The following VAV2 variants were observed in gnomAD, a reference collection of about 807,000 sequenced individuals.
VAV2 encodes vav guanine nucleotide exchange factor 2, also known as guanine nucleotide exchange factor VAV2.
In VAV2, 67 loss-of-function variants were observed where a neutral mutation model predicts 132.5. The ratio of observed to expected loss-of-function variants is 0.51; its 90% CI spans 0.42 to 0.62. VAV2 has a LOEUF of 0.62. Among genes scored for constraint, VAV2 ranks in the 20% least tolerant of loss-of-function variants. The pLI is 0.00. For synonymous variants in VAV2, 492 were observed against 443.5 expected, an observed-to-expected ratio of 1.11 and a Z score of -1.37; for missense variants, 938 against 1,153.6, an observed-to-expected ratio of 0.81 and a Z score of 2.71.
chr9:133,781,575 C>A (rs765706036), intron 19 of VAV2, among the ~76,000 whole-genome samples: 1 of 152,188 alleles, frequency 6.6e-6, no homozygotes, highest in East Asian at 1.9e-4. Context: ...AGCATCTCTC[C>A]GGGACATCTC....
At chr9:133,890,278 C>A (rs1838879169) in intron 2 of VAV2, among the ~76,000 whole-genome samples, 1 of 151,740 alleles carries the variant, frequency 6.6e-6, no homozygotes, top group African/African-American at 2.4e-5. Flanking sequence ...TCCACCGCGA[C>A]CACACGGAGC....
chr9:133,861,193 C>G, intron 3 of VAV2, 181 bp downstream of exon 3: 1 of 588,590 alleles, frequency 1.7e-6, no homozygotes, highest in Non-Finnish European at 2.8e-6. Context: ...GAGCTGAAGC[C>G]TCCCGCCCCC....
chr9:133,922,401 GAA>G (rs1840329129), intron 2 of VAV2, among the ~76,000 whole-genome samples: 1 of 152,268 alleles, frequency 6.6e-6, no homozygotes, highest in African/African-American at 2.4e-5. Flanking sequence ...GCACGGGGCA[GAA>G]AAGAGCTGGG....
rs202215285 is a variant in VAV2, at chr9:133,770,416, C to T, written c.2309G>A (p.Arg770Gln). The T allele has an allele frequency of 1.3e-4, 206 of 1,614,128 alleles. No homozygotes were observed. The highest frequency in any genetic ancestry group is 1.5e-4 in the Non-Finnish European group (173 of 1,179,978). Residue 770 changes from arginine to glutamine, a missense_variant, in exon 27 of 30, where the codon CGG becomes CAG. By Grantham distance (43) the Arg-to-Gln change is conservative. Coordinates refer to ENST00000371850, the MANE Select transcript of VAV2 (RefSeq NM_001134398.2). ...DTTLKYPYKSRERSASRASSR... is the reference protein window; with the variant it reads ...DTTLKYPYKSQERSASRASSR... ...GGAGGCCCTGGAGGCCGAACGTTCC[C>T]GGGACTTGTAGGGGTACTTGAGTGT...
intron 1 of VAV2, among the ~76,000 whole-genome samples, chr9:133,941,050 C>T (rs144759794): frequency 1.3e-5 from 2 of 151,878 alleles, no homozygotes; most frequent in African/African-American, 4.8e-5. Flanking sequence ...ATGACAGGAA[C>T]GTTCTATCCA....
chr9:133,908,282 G>A (rs907616790), intron 2 of VAV2, among the ~76,000 whole-genome samples: 10 of 152,030 alleles, frequency 6.6e-5, no homozygotes, highest in Non-Finnish European at 1.2e-4. Context: ...GCCTGGACCC[G>A]CAGCAGGAAA....
rs139433735 is a variant in VAV2, at chr9:133,928,659, G to C, written c.321+10444C>G. Among the ~76,000 whole-genome samples the C allele has an allele frequency of 5.0e-4, 76 of 152,314 alleles. No individual in the cohort carries two copies. Among genetic ancestry groups the C allele is most frequent in the African/African-American group, 1.8e-3 (75 of 41,568 alleles). On this transcript the variant is annotated intron_variant, in intron 2 of 29. Coordinates refer to ENST00000371850, the MANE Select transcript of VAV2 (RefSeq NM_001134398.2). The surrounding 1 kb of genome is among the most constrained non-coding windows in gnomAD (Gnocchi z 5.4). The stretch of plus-strand genomic sequence containing the variant: ...ACAAACACATGCAGCCTCGGGGCCT[G>C]GGTGTGGAGATAAGGGGTGCTGGAT...
intron 13 of VAV2, among the ~76,000 whole-genome samples, chr9:133,790,151 C>T (rs1376245469): frequency 1.3e-5 from 2 of 152,148 alleles, no homozygotes; most frequent in Non-Finnish European, 2.9e-5. Context: ...TGGGGATGCT[C>T]GACGCCTGCT....
rs940357708 is a variant in VAV2, at chr9:133,784,505, C to T, written c.1533-87G>A. The T allele has an allele frequency of 1.5e-5, 21 of 1,424,698 alleles. No homozygotes were observed. The African/African-American group carries it at 2.0e-4, about 13-fold the overall frequency. The allele number at this position is 1,424,698 out of a possible 1,614,324, so 88.3% of individuals were successfully genotyped here. Reference sequence around the variant, plus strand: ...GCCATCCTGGGAACCAGCTGGGCTCCGGACCCAGGCTGTGCAGAATCCGAG... The same window carrying T: ...GCCATCCTGGGAACCAGCTGGGCTCTGGACCCAGGCTGTGCAGAATCCGAG... On this transcript the variant is annotated intron_variant, in intron 17 of 29. Coordinates refer to ENST00000371850, the MANE Select transcript of VAV2 (RefSeq NM_001134398.2).
At chr9:133,982,668 G>A (rs565089305) in intron 1 of VAV2, among the ~76,000 whole-genome samples, 1 of 152,192 alleles carries the variant, frequency 6.6e-6, no homozygotes. Flanking sequence ...TGCAGGGCGC[G>A]CCGCCTGGTT....
At chr9:133,798,908 T>C (rs1834825683) in intron 9 of VAV2, among the ~76,000 whole-genome samples, 1 of 152,174 alleles carries the variant, frequency 6.6e-6, no homozygotes, top group Non-Finnish European at 1.5e-5. Flanking sequence ...GGCAGGGCTG[T>C]GTGTTGGTGT....
intron 2 of VAV2, among the ~76,000 whole-genome samples, chr9:133,871,475 T>TGGAGAAGC (rs1838049334): frequency 5.0e-4 from 48 of 96,602 alleles, no homozygotes; most frequent in African/African-American, 2.8e-3. Context: ...AGCGGATGGA[T>TGGAGAAGC]GGATGGATGG....
At position 133,834,135 on chromosome 9, in the gene VAV2, G is replaced by A. The variant is rs1836368658; in HGVS notation, c.449+137C>T. The A allele has an allele frequency of 2.1e-6, 2 of 942,792 alleles. No individual in the cohort carries two copies. The highest frequency in any genetic ancestry group is 3.2e-6 in the Non-Finnish European group (2 of 625,746). 58.4% of individuals were successfully genotyped at this position (942,792 alleles called of 1,614,324 possible). A position where few individuals can be genotyped will look rare whatever the true frequency, so the allele number is the denominator to read the frequency against. On this transcript the variant is annotated intron_variant, in intron 4 of 29. Coordinates refer to ENST00000371850, the MANE Select transcript of VAV2 (RefSeq NM_001134398.2). The surrounding 1 kb of genome is among the most constrained non-coding windows in gnomAD (Gnocchi z 5.9). ...CCCACACCATGACCCATCATGAGGA[G>A]ATGCCCCGGTGGGAAGGGCCAGGGC...
chr9:133,915,601 C>A (rs1197058246), intron 2 of VAV2, among the ~76,000 whole-genome samples: 1 of 152,216 alleles, frequency 6.6e-6, no homozygotes, highest in African/African-American at 2.4e-5. Flanking sequence ...CACACACACT[C>A]CCACACAATG....
At position 133,762,336 on chromosome 9, in the gene VAV2, TCA is replaced by T. The variant is rs1833286617; in HGVS notation, c.*1724_*1725del. 6.6e-6 allele frequency: 1 copy of T among 152,644 alleles called. No homozygotes were observed. Among genetic ancestry groups the T allele is most frequent in the African/African-American group, 2.4e-5 (1 of 41,466 alleles). The allele number at this position is 152,644 out of a possible 1,614,324, so 9.5% of individuals were successfully genotyped here. A position where few individuals can be genotyped will look rare whatever the true frequency, so the allele number is the denominator to read the frequency against. On this transcript the variant is annotated 3_prime_UTR_variant, in exon 30 of 30. Coordinates refer to ENST00000371850, the MANE Select transcript of VAV2 (RefSeq NM_001134398.2). The surrounding 1 kb of genome is among the most constrained non-coding windows in gnomAD (Gnocchi z 5.0). ...TTGCTATTATAAAATCTCTTATTAT[TCA>T]CAGATATATAACGGGAGATTTGGAT...
At chr9:133,851,370 T>G (rs1332727067) in intron 3 of VAV2, among the ~76,000 whole-genome samples, 1 of 152,210 alleles carries the variant, frequency 6.6e-6, no homozygotes, top group Non-Finnish European at 1.5e-5. Flanking sequence ...TACTGAGAAC[T>G]TTACAGACAT....
At position 133,821,775 on chromosome 9, in the gene VAV2, G is replaced by A. The variant is rs113770500; in HGVS notation, c.450-9559C>T. On this transcript the variant is annotated intron_variant, in intron 4 of 29. Transcript: ENST00000371850. ...TGTCCAGTGGTCCATGAGGAGGCCCGAGATGGCCAGGCAGGAATGTGGAAG... is the reference window on the plus strand; with the variant it reads ...TGTCCAGTGGTCCATGAGGAGGCCCAAGATGGCCAGGCAGGAATGTGGAAG... 4.5e-3 allele frequency among the ~76,000 whole-genome samples: 690 copies of A among 152,280 alleles called. 5 individuals carry two copies. The highest frequency in any genetic ancestry group is 0.015 in the South Asian group (70 of 4,824).
intron 2 of VAV2, among the ~76,000 whole-genome samples, chr9:133,904,509 G>A (rs1588345131): frequency 6.6e-6 from 1 of 152,368 alleles, no homozygotes; most frequent in South Asian, 2.1e-4. Flanking sequence ...GACGGCAAAT[G>A]CACTTGCAGG....
At chr9:133,779,212 G>A (rs949680933) in intron 21 of VAV2, among the ~76,000 whole-genome samples, 4 of 152,366 alleles carry the variant, frequency 2.6e-5, no homozygotes, top group South Asian at 2.1e-4. Context: ...GGGATCCCTC[G>A]TGTCAGAGAC....
Sources: gnomAD v4.1 joint callset for allele counts (sites outside exome capture counted in the v4.1 genomes callset) on GRCh38, gnomAD v4.1.1 for gene constraint, Gnocchi (gnomAD v3.1) non-coding constraint, MANE v1.5 for transcripts, NCBI Gene and HGNC (gene_info 2026-07-23, HGNC 2026-07-21) for gene names.